NPL: variants seen among roughly 807,000 people sequenced by gnomAD.
NPL encodes N-acetylneuraminate lyase.
In NPL, 32 loss-of-function variants were observed where a neutral mutation model predicts 41.1. The observed-to-expected ratio is 0.78, with a 90% CI of 0.59 to 1.05. NPL has a LOEUF of 1.05. Among genes scored for constraint, NPL ranks in the 50% least tolerant of loss-of-function variants. The probability of loss-of-function intolerance (pLI) is 0.00; values close to 1 mark genes in which losing one functional copy is unlikely to be tolerated. For synonymous variants in NPL, 128 were observed against 134.9 expected (o/e 0.95, Z 0.35); for missense variants, 321 against 378.4 (o/e 0.85, Z 1.26).
intron 8 of NPL, 111 bp from the exon 9 acceptor site, chr1:182,818,430 C>A: frequency 2.2e-6 from 3 of 1,370,648 alleles, no homozygotes; most frequent in Non-Finnish European, 3.1e-6. Context: ...AGTCTGCAGT[C>A]AGTTCTGGCT....
intron 10 of NPL, among the ~76,000 whole-genome samples, chr1:182,820,449 G>A (rs995927960): frequency 6.6e-6 from 1 of 152,170 alleles, no homozygotes; most frequent in East Asian, 1.9e-4. Flanking sequence ...TAACTTCAGG[G>A]GTATTTCTAC....
chr1:182,795,541 C>T (rs1325684970), intron 3 of NPL, among the ~76,000 whole-genome samples: 2 of 152,102 alleles, frequency 1.3e-5, no homozygotes, highest in Non-Finnish European at 2.9e-5. Flanking sequence ...TTTTAGTATT[C>T]TCCTTCAAAG....
chr1:182,797,220 A>G (rs1294871266), intron 3 of NPL, among the ~76,000 whole-genome samples: 1 of 152,184 alleles, frequency 6.6e-6, no homozygotes, highest in Non-Finnish European at 1.5e-5. Context: ...ACTGTAGCTC[A>G]GTGAGCTTCC....
At chr1:182,811,644 A>G (rs1667179117) in intron 5 of NPL, among the ~76,000 whole-genome samples, 1 of 152,150 alleles carries the variant, frequency 6.6e-6, no homozygotes. Context: ...CTCGGACTAA[A>G]TTATCTTTGT....
Position 182,794,341 on chromosome 1 carries a change from T to C in NPL, c.-16-15T>C, listed in dbSNP as rs1456392797. The C allele has an allele frequency of 5.6e-6, 9 of 1,603,992 alleles. No individual in the cohort carries two copies. Among genetic ancestry groups the C allele is most frequent in the South Asian group, 3.3e-5 (3 of 90,890 alleles). Reference sequence around the variant, plus strand: ...TCCTTGAAGAAAGAGAGAAATTACATTGTATGTTTTCCAGACCTACCAGCA... The same window carrying C: ...TCCTTGAAGAAAGAGAGAAATTACACTGTATGTTTTCCAGACCTACCAGCA... On this transcript the variant is annotated splice_polypyrimidine_tract_variant and intron_variant, in intron 2 of 12. Coordinates refer to ENST00000367553, the MANE Select transcript of NPL (RefSeq NM_030769.3).
At chr1:182,790,844 T>C (rs1038206617) in intron 1 of NPL, among the ~76,000 whole-genome samples, 4 of 152,208 alleles carry the variant, frequency 2.6e-5, no homozygotes, top group Non-Finnish European at 1.5e-5. Context: ...GGTTTGGCCA[T>C]GTTGGCCAGG....
Position 182,829,783 on chromosome 1 carries a change from A to C in NPL, c.*875A>C. 1 of 741,510 alleles carries C rather than the reference A, an allele frequency of 1.3e-6. No individual in the cohort carries two copies. The highest frequency in any genetic ancestry group is 2.6e-5 in the Admixed American group (1 of 38,616). 45.9% of individuals were successfully genotyped at this position (741,510 alleles called of 1,614,324 possible). A position where few individuals can be genotyped will look rare whatever the true frequency, so the allele number is the denominator to read the frequency against. ...ATGTTATTATCCTGTCACACTTGCA[A>C]CTAGTGACTTTTGTTTAGTGATAGA... is the stretch of plus-strand genomic sequence containing the variant. On this transcript the variant is annotated 3_prime_UTR_variant, in exon 13 of 13. Transcript: ENST00000367553.
In NPL at chr1:182,829,773, C is replaced by A; in HGVS notation, c.*865C>A. The A allele has an allele frequency of 2.5e-6, 2 of 792,960 alleles. No homozygotes were observed. The highest frequency in any genetic ancestry group is 1.7e-5 in the South Asian group (1 of 60,376). The allele number at this position is 792,960 out of a possible 1,614,324, so 49.1% of individuals were successfully genotyped here. A position where few individuals can be genotyped will look rare whatever the true frequency, so the allele number is the denominator to read the frequency against. Reference sequence around the variant, plus strand: ...CCAGGGGCTAATGTTATTATCCTGTCACACTTGCAACTAGTGACTTTTGTT... The same window carrying A: ...CCAGGGGCTAATGTTATTATCCTGTAACACTTGCAACTAGTGACTTTTGTT... On this transcript the variant is annotated 3_prime_UTR_variant, in exon 13 of 13. Transcript: ENST00000367553.
intron 2 of NPL, among the ~76,000 whole-genome samples, chr1:182,792,507 T>C (rs1666543132): frequency 6.6e-6 from 1 of 152,218 alleles, no homozygotes; most frequent in South Asian, 2.1e-4. Context: ...GTTATGGGCC[T>C]TTAAGGCTCA....
rs116744008 is a variant in NPL at position 182,803,333 on chromosome 1, A to G, written c.69-365A>G. Among the ~76,000 whole-genome samples the G allele has an allele frequency of 1.1e-3, 160 of 152,342 alleles. 1 individual carries two copies. Among genetic ancestry groups the G allele is most frequent in the Middle Eastern group, 3.4e-3 (1 of 294 alleles). On this transcript the variant is annotated intron_variant, in intron 3 of 12. Transcript: ENST00000367553. Reference sequence around the variant, plus strand: ...TCATTTAACCATGTCTGCAACCATCAATCTTCCCCTAAAAGGGCAAAAGAT... The same window carrying G: ...TCATTTAACCATGTCTGCAACCATCGATCTTCCCCTAAAAGGGCAAAAGAT...
At chr1:182,803,538 A>G (rs867773478) in intron 3 of NPL, among the ~76,000 whole-genome samples, 160 bp from the exon 4 acceptor site, 9 of 125,054 alleles carry the variant, frequency 7.2e-5, no homozygotes, top group South Asian at 2.8e-4. Context: ...TCAGGGGGGG[A>G]AAAAAACCCC....
chr1:182,813,419 A>G (rs1170946672), intron 6 of NPL, among the ~76,000 whole-genome samples: 1 of 152,242 alleles, frequency 6.6e-6, no homozygotes, highest in African/African-American at 2.4e-5. Flanking sequence ...ATCATTAGCC[A>G]TAATAAGTGT....
At chr1:182,825,903 A>G (rs1667618890) in intron 12 of NPL, 83 bp downstream of exon 12, 6 of 1,020,586 alleles carry the variant, frequency 5.9e-6, no homozygotes, top group South Asian at 5.0e-5. Flanking sequence ...TGAGGGTTCA[A>G]CAAGAACACT....
chr1:182,806,047 T>C (rs1222309043), intron 4 of NPL, 98 bp from the exon 5 acceptor site: 2 of 1,392,884 alleles, frequency 1.4e-6, no homozygotes, highest in Non-Finnish European at 2.0e-6. Context: ...CTCCTGACCA[T>C]CCTCAGTGCA....
intron 7 of NPL, among the ~76,000 whole-genome samples, chr1:182,816,330 T>C (rs527850446): frequency 6.6e-6 from 1 of 152,380 alleles, no homozygotes; most frequent in Non-Finnish European, 1.5e-5. Flanking sequence ...AATTAAAATC[T>C]TATTATTATC....
At chr1:182,798,373 A>T (rs911860469) in intron 3 of NPL, among the ~76,000 whole-genome samples, 1 of 151,602 alleles carries the variant, frequency 6.6e-6, no homozygotes, top group Non-Finnish European at 1.5e-5. Flanking sequence ...GATTAGAGGT[A>T]TGCACCACCC....
intron 5 of NPL, among the ~76,000 whole-genome samples, chr1:182,810,206 C>A (rs1667136549): frequency 6.6e-6 from 1 of 152,136 alleles, no homozygotes; most frequent in Non-Finnish European, 1.5e-5. Flanking sequence ...CACAGCTGAA[C>A]ATTATTAATC....
At chr1:182,821,223 A>G (rs936869130) in intron 10 of NPL, among the ~76,000 whole-genome samples, 2 of 152,228 alleles carry the variant, frequency 1.3e-5, no homozygotes, top group African/African-American at 4.8e-5. Context: ...CAAGATAAAT[A>G]CTTTTTCTGA....
rs753167636 is a variant in NPL, at chr1:182,818,854, G to A, written c.648G>A (p.Val216=). The change falls in exon 10 of 13, where the codon GTG becomes GTA. Residue 216 remains valine, a synonymous_variant. Transcript: ENST00000367553. ...SALVMGATGA[V]GSTYNYLGKK... is the part of the protein sequence containing the mutation. ...TGGTGATGGGAGCAACTGGAGCAGT[G>A]GGCAGGTAAGCATGACTCATTTTTC... The A allele has an allele frequency of 6.2e-7, 1 of 1,613,946 alleles. No individual in the cohort carries two copies. The highest frequency in any genetic ancestry group is 1.7e-5 in the Admixed American group (1 of 60,002).
Sources: gnomAD v4.1 joint callset for allele counts (sites outside exome capture counted in the v4.1 genomes callset) on GRCh38, gnomAD v4.1.1 for gene constraint, MANE v1.5 for transcripts, NCBI Gene and HGNC (gene_info 2026-07-23, HGNC 2026-07-21) for gene names.